Variants in DST observed in about 807,000 individuals in gnomAD.
The protein encoded by DST is dystonin.
In DST, 253 loss-of-function variants were observed where a neutral mutation model predicts 875.2. The ratio of observed to expected loss-of-function variants is 0.29; its 90% CI spans 0.26 to 0.32. The LOEUF (loss-of-function observed/expected upper bound fraction) is 0.32, where lower values mean the gene tolerates loss of function less well. Among genes scored for constraint, DST ranks in the 10% least tolerant of loss-of-function variants. The probability of loss-of-function intolerance (pLI) is 1.00; values close to 1 mark genes in which losing one functional copy is unlikely to be tolerated. For missense variants in DST, 8,287 were observed against 9,111.6 expected, an observed-to-expected ratio of 0.91 and a Z score of 3.68; for synonymous variants, 3,124 against 3,197.1, an observed-to-expected ratio of 0.98 and a Z score of 0.77.
chr6:56,953,693 TC>T, intron 2 of DST, 91 bp downstream of exon 2: 1 of 920,020 alleles, frequency 1.1e-6, no homozygotes. Flanking sequence ...TCATTCAGTG[TC>T]CTACTGGTTT....
Position 56,631,439 on chromosome 6 carries a change from G to A in DST, c.3964-50C>T, listed in dbSNP as rs115261861. 1,871 of 1,505,614 alleles carry A rather than the reference G, an allele frequency of 1.2e-3. 21 individuals carry two copies. In the African/African-American group the frequency reaches 0.023, roughly 18 times the overall value. The allele number at this position is 1,505,614 out of a possible 1,614,324, so 93.3% of individuals were successfully genotyped here. Reference sequence around the variant, plus strand: ...GTATCAGGCCATCACCTGTGATGAGGTGTTTTTCTTAAACTAGTTGAAAAA... The same window carrying A: ...GTATCAGGCCATCACCTGTGATGAGATGTTTTTCTTAAACTAGTTGAAAAA... On this transcript the variant is annotated intron_variant, in intron 29 of 103. Coordinates refer to ENST00000680361, the MANE Select transcript of DST (RefSeq NM_001374736.1).
rs1562470292 is a variant in DST, at chr6:56,511,335, C to T, written c.18642G>A (p.Gln6214=). Residue 6214 remains glutamine, a synonymous_variant, in exon 73 of 104, where the codon CAG becomes CAA. Coordinates refer to ENST00000680361, the MANE Select transcript of DST (RefSeq NM_001374736.1). The part of the protein sequence containing the change: ...HIDKMNKTGP[Q]LLELSPGEGF... ...CTTCCCCAGGGCTCAATTCCAGTAA[C>T]TGTGGCCCAGTTTTGTTCATCTTAT... 1.2e-6 allele frequency: 2 copies of T among 1,608,566 alleles called. No homozygotes were observed. Among genetic ancestry groups the T allele is most frequent in the South Asian group, 1.1e-5 (1 of 89,666 alleles).
In DST at chr6:56,557,487, T is replaced by C; in HGVS notation, c.14472A>G (p.Thr4824=). 1 of 1,613,274 alleles carries C rather than the reference T, an allele frequency of 6.2e-7. No homozygotes were observed. Among genetic ancestry groups the C allele is most frequent in the African/African-American group, 1.3e-5 (1 of 75,034 alleles). The change falls in exon 59 of 104, where the codon ACA becomes ACG. Residue 4824 remains threonine (T), a synonymous_variant. Coordinates refer to ENST00000680361, the MANE Select transcript of DST (RefSeq NM_001374736.1). ...CTTCCAGTTTTTGTTGTCTATCAAT[T>C]GTTAATTGATTGAGTTCTTGCCACT... ...DSKWQELNQL[T]IDRQQKLEES...
chr6:56,884,378 T>C (rs1359792387), intron 3 of DST, among the ~76,000 whole-genome samples: 1 of 152,202 alleles, frequency 6.6e-6, no homozygotes, highest in African/African-American at 2.4e-5. Context: ...CTTCACCTTA[T>C]CATTTAACAT....
At chr6:56,666,293 T>A (rs1382266625) in intron 10 of DST, among the ~76,000 whole-genome samples, 1 of 152,156 alleles carries the variant, frequency 6.6e-6, no homozygotes, top group Non-Finnish European at 1.5e-5. Flanking sequence ...AACAGTATAA[T>A]TTATATTAAT....
intron 79 of DST, 141 bp from the exon 80 acceptor site, chr6:56,501,376 T>C (rs2096117336): frequency 8.8e-7 from 1 of 1,136,150 alleles, no homozygotes; most frequent in Non-Finnish European, 1.2e-6. Context: ...CATATCCTTC[T>C]ATGTTTTAAG....
Position 56,720,767 on chromosome 6 carries a change from C to T in DST, c.687+14461G>A, listed in dbSNP as rs184240571. Among the ~76,000 whole-genome samples, 742 of 152,298 alleles carry T rather than the reference C, an allele frequency of 4.9e-3. 6 individuals carry two copies. Among genetic ancestry groups the T allele is most frequent in the African/African-American group, 0.017 (704 of 41,554 alleles). ...ATGTCTACTACTTTCCACACAGACA[C>T]AGTAACAATGTGATCTCTCTTTCTT... On this transcript the variant is annotated intron_variant, in intron 5 of 103. Transcript: ENST00000680361.
chr6:56,630,374 A>C lies in DST; in HGVS notation c.4152T>G (p.Thr1384=). The C allele has an allele frequency of 1.2e-6, 2 of 1,612,612 alleles. No individual in the cohort carries two copies. The highest frequency in any genetic ancestry group is 4.5e-5 in the East Asian group (2 of 44,836). ...GAGTGTTTTTTAACACCAAGTTAAC[A>C]GTTTTCAACCTTAAAAAGGAAATTA... The part of the protein sequence containing the change: ...MSSTYIDKLK[T]VNLVLKNTQA... Residue 1384 remains threonine, a synonymous_variant, in exon 31 of 104, where the codon ACT becomes ACG. Coordinates refer to ENST00000680361, the MANE Select transcript of DST (RefSeq NM_001374736.1).
At chr6:56,528,797 T>C (rs1312077489) in intron 67 of DST, 44 bp downstream of exon 67, 30 of 1,318,036 alleles carry the variant, frequency 2.3e-5, no homozygotes, top group Non-Finnish European at 3.0e-5. Context: ...GAAAACAATA[T>C]AAAATGCTGA....
chr6:56,790,577 C>G (rs1453533504), intron 4 of DST, among the ~76,000 whole-genome samples: 2 of 152,298 alleles, frequency 1.3e-5, no homozygotes, highest in East Asian at 3.9e-4. Context: ...TTCCTCCTTT[C>G]AGGCTTCCTC....
chr6:56,585,929 C>T (rs1041598764), intron 49 of DST, among the ~76,000 whole-genome samples: 95 of 152,092 alleles, frequency 6.2e-4, no homozygotes, highest in African/African-American at 2.1e-3. Flanking sequence ...TAATCCTGAG[C>T]TCTAGTTTGA....
At chr6:56,469,985 C>T (rs1562195950) in intron 96 of DST, 28 bp from the exon 97 acceptor site, 12 of 1,611,310 alleles carry the variant, frequency 7.4e-6, no homozygotes, top group Non-Finnish European at 1.0e-5. Context: ...GAAATATTTA[C>T]TTTAATGTCA....
chr6:56,647,476 T>C (rs761369389), intron 13 of DST, among the ~76,000 whole-genome samples: 38 of 152,180 alleles, frequency 2.5e-4, no homozygotes, highest in Non-Finnish European at 3.8e-4. Context: ...ATAACTCTAA[T>C]GGAGCTCACC....
intron 70 of DST, 23 bp from the exon 71 acceptor site, chr6:56,517,328 C>CA (rs758139511): frequency 1.9e-6 from 3 of 1,599,504 alleles, no homozygotes; most frequent in South Asian, 2.2e-5. Context: ...AAAATAAAGA[C>CA]AAAAAATAAA....
At chr6:56,861,655 T>A (rs554303982) in intron 3 of DST, among the ~76,000 whole-genome samples, 1 of 152,282 alleles carries the variant, frequency 6.6e-6, no homozygotes, top group South Asian at 2.1e-4. Context: ...TCTGGACCTG[T>A]CCCTTCCTTG....
At chr6:56,847,904 AT>A (rs1460371839) in intron 4 of DST, among the ~76,000 whole-genome samples, 1 of 152,168 alleles carries the variant, frequency 6.6e-6, no homozygotes, top group Non-Finnish European at 1.5e-5. Context: ...GATACATGAT[AT>A]TTTATATATT....
At chr6:56,609,721 G>T (rs2064592) in intron 39 of DST, among the ~76,000 whole-genome samples, 103,383 of 151,998 alleles carry the variant, frequency 0.68, 35,869 homozygotes, top group African/African-American at 0.81. Flanking sequence ...TCTAGTGGCA[G>T]GAAAGAGAGT....
At chr6:56,557,123 C>G (rs1345501337) in intron 59 of DST, among the ~76,000 whole-genome samples, 196 bp downstream of exon 59, 2 of 152,160 alleles carry the variant, frequency 1.3e-5, no homozygotes, top group East Asian at 3.8e-4. Flanking sequence ...TCTAAGATGC[C>G]TTATAGCTTT....
intron 3 of DST, among the ~76,000 whole-genome samples, chr6:56,861,094 G>A (rs1350392212): frequency 1.3e-5 from 2 of 151,904 alleles, no homozygotes; most frequent in African/African-American, 4.8e-5. Flanking sequence ...TTCATTACCT[G>A]TCTTCATTAA....
Sources: allele counts gnomAD v4.1 joint callset (sites outside exome capture counted in the v4.1 genomes callset), GRCh38; gene constraint gnomAD v4.1.1; transcripts MANE v1.5; gene names NCBI Gene and HGNC (gene_info 2026-07-23, HGNC 2026-07-21).